Variants in MACROD2 observed in about 807,000 individuals in gnomAD.
MACROD2 encodes mono-ADP ribosylhydrolase 2.
A neutral mutation model predicts 70.4 loss-of-function variants in MACROD2; 36 were observed. The ratio of observed to expected loss-of-function variants is 0.51; its 90% CI spans 0.39 to 0.68. The LOEUF (loss-of-function observed/expected upper bound fraction) is 0.68. MACROD2 is among the 30% of genes least tolerant of loss of function. The pLI, the probability that MACROD2 is intolerant of heterozygous loss-of-function variation, is 0.00. For missense variants in MACROD2, 496 were observed against 538.4 expected (o/e 0.92, Z 0.78); for synonymous variants, 172 against 178.8 (o/e 0.96, Z 0.30).
chr20:14,653,143 T>C lies in MACROD2; in HGVS notation c.302-31700T>C, dbSNP rs145466579. Among the ~76,000 whole-genome samples, 48 of 151,246 alleles carry C rather than the reference T, an allele frequency of 3.2e-4. No homozygotes were observed. The East Asian group carries it at 9.0e-3, about 28-fold the overall frequency. Reference sequence around the variant, plus strand: ...ATGGCTCACTGCAGCCTCGACCTCCTGGACTCAAGCCATCCTCCCACCTCA... The same window carrying C: ...ATGGCTCACTGCAGCCTCGACCTCCCGGACTCAAGCCATCCTCCCACCTCA... On this transcript the variant is annotated intron_variant, in intron 4 of 17. Transcript: ENST00000684519.
intron 4 of MACROD2, among the ~76,000 whole-genome samples, chr20:14,505,668 T>G (rs2084960997): frequency 6.6e-6 from 1 of 152,234 alleles, no homozygotes; most frequent in Non-Finnish European, 1.5e-5. Context: ...AATTTCTGTT[T>G]TAGTAAGTCT....
chr20:15,506,419 G>A (rs1312774699), intron 8 of MACROD2, among the ~76,000 whole-genome samples: 1 of 152,180 alleles, frequency 6.6e-6, no homozygotes, highest in Admixed American at 6.5e-5. Flanking sequence ...TGACAAGATC[G>A]AGAACACAGC....
intron 5 of MACROD2, among the ~76,000 whole-genome samples, chr20:15,141,030 A>G (rs2076187857): frequency 1.3e-5 from 2 of 152,118 alleles, no homozygotes; most frequent in Admixed American, 6.6e-5. Flanking sequence ...ACATATAGAT[A>G]TACATGTGTT....
At chr20:15,191,810 G>A (rs2076572279) in intron 5 of MACROD2, among the ~76,000 whole-genome samples, 1 of 152,072 alleles carries the variant, frequency 6.6e-6, no homozygotes, top group Non-Finnish European at 1.5e-5. Context: ...TAGGCAGGAG[G>A]TAGGGATATC....
chr20:14,417,073 CTATCTATCT>C lies in MACROD2; in HGVS notation c.272-76405_272-76397del, dbSNP rs2083816694. Among the ~76,000 whole-genome samples the C allele has an allele frequency of 3.7e-3, 105 of 28,382 alleles. 2 individuals carry two copies. The highest frequency in any genetic ancestry group is 0.013 in the African/African-American group (86 of 6,574). 18.6% of individuals were successfully genotyped at this position (28,382 alleles called of 152,430 possible). On this transcript the variant is annotated intron_variant, in intron 3 of 17. Coordinates refer to ENST00000684519, the MANE Select transcript of MACROD2 (RefSeq NM_001351661.2). ...ATCTATCTATCTATCTATCATCTAT[CTATCTATCT>C]ATCTATCTATCTATCTATCTATCTA...
At chr20:14,756,372 T>A (rs1230136208) in intron 5 of MACROD2, among the ~76,000 whole-genome samples, 2 of 152,130 alleles carry the variant, frequency 1.3e-5, no homozygotes, top group African/African-American at 2.4e-5. Context: ...TCTCACAGCA[T>A]CTGTTTATTG....
intron 3 of MACROD2, chr20:14,327,486 G>T (rs957272701): frequency 1.2e-6 from 2 of 1,612,934 alleles, no homozygotes; most frequent in African/African-American, 2.7e-5. Context: ...TGAGGAAGAT[G>T]CTCCAGGCTG....
intron 2 of MACROD2, among the ~76,000 whole-genome samples, chr20:14,080,442 C>CAA (rs61598345): frequency 0.5 from 31,945 of 64,376 alleles, 8,687 homozygotes; most frequent in East Asian, 0.71. Context: ...AACCCCGTCT[C>CAA]AAAAAAAAAA....
At chr20:14,690,855 A>C (rs1354936035) in intron 5 of MACROD2, among the ~76,000 whole-genome samples, 1 of 152,206 alleles carries the variant, frequency 6.6e-6, no homozygotes, top group South Asian at 2.1e-4. Flanking sequence ...AGTGTTCACT[A>C]TCCAGCCTCT....
rs189728233 is a variant in MACROD2 at position 15,115,965 on chromosome 20, A to G, written c.419-113975A>G. Among the ~76,000 whole-genome samples, 311 of 152,308 alleles carry G rather than the reference A, an allele frequency of 2.0e-3. 2 individuals are homozygous for G. The highest frequency in any genetic ancestry group is 6.9e-3 in the African/African-American group (285 of 41,562). Reference sequence around the variant, plus strand: ...TGGAAACATCAAAGACAAAGGAGGAATCTTAAAAGAAATAAAAACTCTAGA... The same window carrying G: ...TGGAAACATCAAAGACAAAGGAGGAGTCTTAAAAGAAATAAAAACTCTAGA... On this transcript the variant is annotated intron_variant, in intron 5 of 17. Transcript: ENST00000684519.
chr20:14,400,916 T>C (rs1054237655), intron 3 of MACROD2, among the ~76,000 whole-genome samples: 27 of 152,302 alleles, frequency 1.8e-4, no homozygotes, highest in African/African-American at 6.5e-4. Flanking sequence ...ACTTATGATG[T>C]TAATGGTAAA....
Position 14,138,763 on chromosome 20 carries a change from C to CCACACA in MACROD2, c.271+53073_271+53078dup, listed in dbSNP as rs11469437. Among the ~76,000 whole-genome samples the CCACACA allele has an allele frequency of 9.9e-3, 1,451 of 147,110 alleles. 22 individuals carry two copies. Among genetic ancestry groups the CCACACA allele is most frequent in the African/African-American group, 0.023 (908 of 39,710 alleles). Reference sequence around the variant, plus strand: ...GCTAAGAGAATAGATCTTAAGTTTTCCACACACACACACACACACACACAC... The same window carrying CCACACA: ...GCTAAGAGAATAGATCTTAAGTTTTCCACACACACACACACACACACACACACACAC... On this transcript the variant is annotated intron_variant, in intron 3 of 17. Coordinates refer to ENST00000684519, the MANE Select transcript of MACROD2 (RefSeq NM_001351661.2).
In MACROD2 at chr20:15,225,602, T is replaced by G. The variant is rs568930660; in HGVS notation, c.419-4338T>G. On this transcript the variant is annotated intron_variant, in intron 5 of 17. Transcript: ENST00000684519. ...TTCCCTACATCGGTAGAGGAATTTT[T>G]TTTAACACTAATGTTAGTGTGCTTT... Among the ~76,000 whole-genome samples, 6 of 152,354 alleles carry G rather than the reference T, an allele frequency of 3.9e-5. No homozygotes were observed. In the East Asian group the frequency reaches 9.6e-4, roughly 24 times the overall value.
At chr20:15,664,725 C>A (rs1345941734) in intron 8 of MACROD2, among the ~76,000 whole-genome samples, 2 of 152,088 alleles carry the variant, frequency 1.3e-5, no homozygotes, top group Non-Finnish European at 2.9e-5. Context: ...ATGGTGTTGA[C>A]AGAAGTACAA....
chr20:14,914,997 G>T (rs944395116), intron 5 of MACROD2, among the ~76,000 whole-genome samples: 1 of 152,110 alleles, frequency 6.6e-6, no homozygotes, highest in African/African-American at 2.4e-5. Flanking sequence ...TTTTAAAAAA[G>T]AATCCTACTT....
intron 7 of MACROD2, among the ~76,000 whole-genome samples, chr20:15,490,357 T>A (rs1040551461): frequency 6.6e-6 from 1 of 151,674 alleles, no homozygotes; most frequent in African/African-American, 2.4e-5. Flanking sequence ...CTCCAATTCC[T>A]AGTCTCAAGC....
intron 4 of MACROD2, among the ~76,000 whole-genome samples, chr20:14,618,136 C>T (rs934715219): frequency 2.0e-5 from 3 of 152,034 alleles, no homozygotes; most frequent in Admixed American, 6.6e-5. Context: ...CAATGTATCC[C>T]AAGCAGCTAA....
chr20:14,873,636 G>A (rs1024408776), intron 5 of MACROD2, among the ~76,000 whole-genome samples: 2 of 152,106 alleles, frequency 1.3e-5, no homozygotes, highest in Admixed American at 1.3e-4. Flanking sequence ...GCCGAGACAG[G>A]CAGATCACCT....
intron 8 of MACROD2, among the ~76,000 whole-genome samples, chr20:15,803,919 C>CAAA: frequency 6.6e-6 from 1 of 152,146 alleles, no homozygotes; most frequent in African/African-American, 2.4e-5. Flanking sequence ...AAAATGCTTC[C>CAAA]CAATGTTTCT....
Sources: gnomAD v4.1 joint callset for allele counts (sites outside exome capture counted in the v4.1 genomes callset) on GRCh38, gnomAD v4.1.1 for gene constraint, MANE v1.5 for transcripts, NCBI Gene and HGNC (gene_info 2026-07-23, HGNC 2026-07-21) for gene names.